The following DPP10 variants were observed in gnomAD, a reference collection of about 807,000 sequenced individuals.
DPP10 encodes the protein dipeptidyl peptidase like 10, also known as inactive dipeptidyl peptidase 10.
DPP10 carries 33 observed loss-of-function variants against 120.9 expected under a neutral mutation model. That is an observed-to-expected ratio of 0.27 (90% confidence interval 0.21 to 0.37). The LOEUF is 0.37. DPP10 is among the 10% of genes least tolerant of loss of function. The probability of loss-of-function intolerance (pLI) is 1.00; values close to 1 mark genes in which losing one functional copy is unlikely to be tolerated. For synonymous variants in DPP10, 337 were observed against 326.1 expected (o/e 1.03, Z -0.36); for missense variants, 816 against 942.8 (o/e 0.87, Z 1.76).
In DPP10 at chr2:115,842,997, T is replaced by C. The variant is rs1396379308; in HGVS notation, c.*652T>C. The C allele has an allele frequency of 1.3e-5, 2 of 152,678 alleles. No homozygotes were observed. The highest frequency in any genetic ancestry group is 1.5e-5 in the Non-Finnish European group (1 of 68,052). 9.5% of individuals were successfully genotyped at this position (152,678 alleles called of 1,614,324 possible). Reference sequence around the variant, plus strand: ...ACACACGAGTGTATGTCTCACAATATATATACACAAGTGTGCATATACAGT... The same window carrying C: ...ACACACGAGTGTATGTCTCACAATACATATACACAAGTGTGCATATACAGT... On this transcript the variant is annotated 3_prime_UTR_variant, in exon 26 of 26. Transcript: ENST00000410059.
chr2:114,881,590 GTCTGTCTGTCTATCTATCTA>G (rs1221787135), intron 1 of DPP10, among the ~76,000 whole-genome samples: 2 of 129,624 alleles, frequency 1.5e-5, no homozygotes, highest in African/African-American at 5.4e-5. Flanking sequence ...CTGTCTGTCT[GTCTGTCTGTCTATCTATCTA>G]TCTATCTATC....
intron 3 of DPP10, among the ~76,000 whole-genome samples, chr2:115,438,040 A>G (rs933840456): frequency 1.3e-5 from 2 of 152,100 alleles, no homozygotes; most frequent in Non-Finnish European, 2.9e-5. Flanking sequence ...TTCAAGCTGA[A>G]AAAAATGAGA....
chr2:114,993,598 A>ATATATG (rs1229137540), intron 1 of DPP10, among the ~76,000 whole-genome samples: 1 of 144,812 alleles, frequency 6.9e-6, no homozygotes, highest in East Asian at 2.0e-4. Context: ...ATATATATAT[A>ATATATG]TATATATATG....
chr2:114,703,952 C>T lies in DPP10; in HGVS notation c.60+261114C>T, dbSNP rs555589934. Reference sequence around the variant, plus strand: ...AGTGGGTGATATGAGGAAATATATGCCCCAAAGAAGGGATTTGGGCCTTTT... The same window carrying T: ...AGTGGGTGATATGAGGAAATATATGTCCCAAAGAAGGGATTTGGGCCTTTT... On this transcript the variant is annotated intron_variant, in intron 1 of 25. Transcript: ENST00000410059. 2.1e-3 allele frequency among the ~76,000 whole-genome samples: 318 copies of T among 152,104 alleles called. 2 individuals are homozygous for T. The highest frequency in any genetic ancestry group is 7.3e-3 in the African/African-American group (301 of 41,488).
intron 1 of DPP10, among the ~76,000 whole-genome samples, chr2:115,303,675 G>A (rs868798867): frequency 1.5e-4 from 23 of 151,308 alleles, no homozygotes; most frequent in Admixed American, 1.5e-3. Context: ...TTTTAACCTT[G>A]TATTGTATTA....
intron 8 of DPP10, among the ~76,000 whole-genome samples, chr2:115,737,135 C>T (rs1397074047): frequency 6.6e-6 from 1 of 152,150 alleles, no homozygotes; most frequent in Non-Finnish European, 1.5e-5. Context: ...TCCTGCAGAC[C>T]TGCCATAAAC....
intron 1 of DPP10, among the ~76,000 whole-genome samples, chr2:114,744,077 T>G (rs1388036077): frequency 6.6e-6 from 1 of 152,150 alleles, no homozygotes; most frequent in Non-Finnish European, 1.5e-5. Context: ...AGCAGAGTTC[T>G]GATTACATGG....
chr2:115,663,620 C>A (rs2089196347), intron 5 of DPP10, among the ~76,000 whole-genome samples: 1 of 152,136 alleles, frequency 6.6e-6, no homozygotes, highest in Non-Finnish European at 1.5e-5. Context: ...TGACATTCGG[C>A]CACCTCTTAT....
At chr2:115,662,098 A>G (rs545372109) in intron 5 of DPP10, among the ~76,000 whole-genome samples, 1 of 152,316 alleles carries the variant, frequency 6.6e-6, no homozygotes, top group South Asian at 2.1e-4. Flanking sequence ...GTCTCCATAT[A>G]TAAGTGAGAT....
intron 8 of DPP10, 117 bp downstream of exon 8, chr2:115,728,053 C>A: frequency 8.1e-7 from 1 of 1,233,992 alleles, no homozygotes; most frequent in South Asian, 1.5e-5. Flanking sequence ...TTCTCATTTT[C>A]TCTCAAAATT....
chr2:114,846,875 T>C lies in DPP10; in HGVS notation c.60+404037T>C, dbSNP rs1688586727. The stretch of plus-strand genomic sequence containing the variant: ...GAAATCAACTATACAATCAGATATT[T>C]GGGTGTGATAGTCACAGGAGCAAAG... On this transcript the variant is annotated intron_variant, in intron 1 of 25. Coordinates refer to ENST00000410059, the MANE Select transcript of DPP10 (RefSeq NM_020868.6). Among the ~76,000 whole-genome samples, 3 of 152,176 alleles carry C rather than the reference T, an allele frequency of 2.0e-5. No individual in the cohort carries two copies. The South Asian group carries it at 6.2e-4, about 31-fold the overall frequency.
At chr2:114,755,149 C>T (rs1679610272) in intron 1 of DPP10, among the ~76,000 whole-genome samples, 1 of 152,122 alleles carries the variant, frequency 6.6e-6, no homozygotes, top group Admixed American at 6.5e-5. Flanking sequence ...AAGGAGAAAT[C>T]TTATTTGGTT....
intron 1 of DPP10, among the ~76,000 whole-genome samples, chr2:115,190,134 C>G (rs989324629): frequency 3.9e-5 from 6 of 152,204 alleles, no homozygotes; most frequent in African/African-American, 1.4e-4. Context: ...AACAGCATCT[C>G]TACTGTAGTT....
chr2:115,550,701 T>TGG (rs1401380117), intron 5 of DPP10, among the ~76,000 whole-genome samples: 2 of 152,150 alleles, frequency 1.3e-5, no homozygotes, highest in Non-Finnish European at 2.9e-5. Flanking sequence ...AAGCTAAATA[T>TGG]GGGGTTGCAG....
intron 1 of DPP10, among the ~76,000 whole-genome samples, chr2:114,919,036 CAAAAAA>C (rs10559818): frequency 8.0e-6 from 1 of 124,860 alleles, no homozygotes. Context: ...AAAGAGATTC[CAAAAAA>C]AAAAAAAAAA....
intron 1 of DPP10, among the ~76,000 whole-genome samples, chr2:115,274,622 G>A (rs190705773): frequency 7.9e-5 from 12 of 152,268 alleles, no homozygotes; most frequent in Non-Finnish European, 1.8e-4. Context: ...GGAATTAGAA[G>A]TTTATGGCAA....
chr2:114,663,694 G>GAGAGAGAGAGAGAGAGAGAA (rs1697668264), intron 1 of DPP10, among the ~76,000 whole-genome samples: 2 of 147,968 alleles, frequency 1.4e-5, no homozygotes, highest in African/African-American at 5.1e-5. Context: ...GAGAGAGAGA[G>GAGAGAGAGAGAGAGAGAGAA]AGAAACTGAC....
intron 3 of DPP10, among the ~76,000 whole-genome samples, chr2:115,421,182 T>C (rs2069920410): frequency 6.6e-6 from 1 of 152,092 alleles, no homozygotes; most frequent in South Asian, 2.1e-4. Flanking sequence ...AGTGTCAAAC[T>C]ATATGCCAGT....
intron 5 of DPP10, among the ~76,000 whole-genome samples, chr2:115,646,471 G>C (rs984550084): frequency 6.6e-6 from 1 of 152,136 alleles, no homozygotes; most frequent in African/African-American, 2.4e-5. Flanking sequence ...AATACTGTAA[G>C]TCCCACCTGC....
Sources: allele counts gnomAD v4.1 joint callset (sites outside exome capture counted in the v4.1 genomes callset), GRCh38; gene constraint gnomAD v4.1.1; transcripts MANE v1.5; gene names NCBI Gene and HGNC (gene_info 2026-07-23, HGNC 2026-07-21).